Variants in CSMD1 observed in about 807,000 individuals in gnomAD.
CSMD1 encodes CUB and Sushi multiple domains 1, also known as CUB and sushi domain-containing protein 1.
CSMD1 carries 213 observed loss-of-function variants against 417.5 expected under a neutral mutation model. That is an observed-to-expected ratio of 0.51 (90% CI 0.46 to 0.57). CSMD1 has a LOEUF of 0.57. CSMD1 is among the 20% of genes least tolerant of loss of function. The pLI is 0.00. For synonymous variants in CSMD1, 2,862 were observed against 1,736.8 expected, an observed-to-expected ratio of 1.65 and a Z score of -16.11; for missense variants, 6,923 against 4,529.7, an observed-to-expected ratio of 1.53 and a Z score of -15.17.
intron 1 of CSMD1, among the ~76,000 whole-genome samples, chr8:4,747,980 G>C (rs1268042250): frequency 6.6e-6 from 1 of 152,094 alleles, no homozygotes; most frequent in South Asian, 2.1e-4. Flanking sequence ...ACCGTATATT[G>C]GCTCTGCTGA....
chr8:4,124,041 T>G (rs184789226), intron 3 of CSMD1, among the ~76,000 whole-genome samples: 1 of 151,960 alleles, frequency 6.6e-6, no homozygotes, highest in African/African-American at 2.4e-5. Context: ...TACATTGCAT[T>G]CCGGAACGAC....
intron 3 of CSMD1, among the ~76,000 whole-genome samples, chr8:4,157,810 C>T (rs1488549523): frequency 6.6e-6 from 1 of 152,144 alleles, no homozygotes; most frequent in Non-Finnish European, 1.5e-5. Flanking sequence ...GGCCTTGGTC[C>T]AGCTTTAGTC....
intron 9 of CSMD1, among the ~76,000 whole-genome samples, chr8:3,584,642 T>C (rs1231728249): frequency 6.6e-6 from 1 of 152,144 alleles, no homozygotes; most frequent in Non-Finnish European, 1.5e-5. Context: ...TAAAATCAAA[T>C]AATATAAAGG....
At chr8:3,221,541 C>A (rs1180793671) in intron 28 of CSMD1, among the ~76,000 whole-genome samples, 1 of 151,448 alleles carries the variant, frequency 6.6e-6, no homozygotes, top group Non-Finnish European at 1.5e-5. Context: ...AACAAACAAA[C>A]AAACAAACAA....
intron 7 of CSMD1, among the ~76,000 whole-genome samples, chr8:3,706,803 G>C (rs1801194307): frequency 6.6e-6 from 1 of 152,194 alleles, no homozygotes; most frequent in South Asian, 2.1e-4. Flanking sequence ...TCCCTCTACA[G>C]AACATTCTAT....
intron 7 of CSMD1, among the ~76,000 whole-genome samples, chr8:3,643,774 T>A (rs936073763): frequency 5.3e-5 from 8 of 151,382 alleles, no homozygotes; most frequent in Admixed American, 1.3e-4. Flanking sequence ...CTAGAGTCAT[T>A]GTTCACCCAC....
intron 1 of CSMD1, among the ~76,000 whole-genome samples, chr8:4,943,547 C>G (rs974185863): frequency 6.6e-6 from 1 of 151,584 alleles, no homozygotes. Flanking sequence ...ATAAAATCAT[C>G]ACCTCTCTGT....
chr8:3,484,365 A>C (rs940990213), intron 11 of CSMD1, among the ~76,000 whole-genome samples: 1 of 152,250 alleles, frequency 6.6e-6, no homozygotes, highest in Non-Finnish European at 1.5e-5. Flanking sequence ...GCTACTGAAC[A>C]GTTGGATACA....
intron 10 of CSMD1, among the ~76,000 whole-genome samples, chr8:3,546,996 G>A (rs565816981): frequency 5.9e-5 from 9 of 152,308 alleles, no homozygotes; most frequent in East Asian, 3.9e-4. Flanking sequence ...ACTGAACAGC[G>A]TCTCCCCTCC....
intron 11 of CSMD1, among the ~76,000 whole-genome samples, chr8:3,470,855 G>C (rs1291520445): frequency 6.6e-6 from 1 of 152,106 alleles, no homozygotes; most frequent in Non-Finnish European, 1.5e-5. Flanking sequence ...CCAATAGTTT[G>C]TTCCCTTTTA....
At chr8:4,339,335 C>A (rs961190899) in intron 3 of CSMD1, among the ~76,000 whole-genome samples, 4 of 152,090 alleles carry the variant, frequency 2.6e-5, no homozygotes, top group Admixed American at 6.6e-5. Flanking sequence ...ACAAGCTATG[C>A]TGGCAGATTC....
intron 1 of CSMD1, among the ~76,000 whole-genome samples, chr8:4,834,587 G>A (rs1163641943): frequency 1.3e-5 from 2 of 151,892 alleles, no homozygotes; most frequent in African/African-American, 2.4e-5. Flanking sequence ...AGTTCAAAAA[G>A]AATGAGAACA....
chr8:4,746,546 G>A (rs1250705184), intron 1 of CSMD1, among the ~76,000 whole-genome samples: 2 of 152,228 alleles, frequency 1.3e-5, no homozygotes, highest in East Asian at 1.9e-4. Flanking sequence ...CAGTGAAGAC[G>A]AAGGGCTTGC....
At chr8:3,873,292 T>A (rs937743636) in intron 5 of CSMD1, among the ~76,000 whole-genome samples, 1 of 151,940 alleles carries the variant, frequency 6.6e-6, no homozygotes, top group Non-Finnish European at 1.5e-5. Context: ...AGCAAAGACA[T>A]GGAATCAACC....
intron 1 of CSMD1, among the ~76,000 whole-genome samples, chr8:4,897,096 G>A (rs1206149625): frequency 6.6e-6 from 1 of 151,924 alleles, no homozygotes; most frequent in Non-Finnish European, 1.5e-5. Context: ...ACAATTTCAG[G>A]CTTGACTTTG....
At chr8:3,821,329 T>A (rs1217743444) in intron 5 of CSMD1, among the ~76,000 whole-genome samples, 2 of 152,230 alleles carry the variant, frequency 1.3e-5, no homozygotes, top group African/African-American at 4.8e-5. Flanking sequence ...TATTATGCAC[T>A]GTACATAAGT....
chr8:4,232,071 G>C (rs1563310830), intron 3 of CSMD1, among the ~76,000 whole-genome samples: 1 of 152,232 alleles, frequency 6.6e-6, no homozygotes, highest in Non-Finnish European at 1.5e-5. Flanking sequence ...GAGCGAAGTA[G>C]TAATTATTGT....
rs191808412 is a variant in CSMD1 at position 4,230,958 on chromosome 8, T to C, written c.415+188995A>G. Among the ~76,000 whole-genome samples the C allele has an allele frequency of 1.5e-3, 225 of 152,274 alleles. 4 individuals are homozygous for C. Among genetic ancestry groups the C allele is most frequent in the African/African-American group, 5.0e-3 (206 of 41,562 alleles). Reference sequence around the variant, plus strand: ...TTTTTCTACTTGGAAAACATGTGCTTAGATTATTTCATTTGCAACATCAGT... The same window carrying C: ...TTTTTCTACTTGGAAAACATGTGCTCAGATTATTTCATTTGCAACATCAGT... On this transcript the variant is annotated intron_variant, in intron 3 of 69. Coordinates refer to ENST00000635120, the MANE Select transcript of CSMD1 (RefSeq NM_033225.6).
rs936868535 is a variant in CSMD1 at position 3,950,893 on chromosome 8, C to T, written c.818+47010G>A. 5.3e-5 allele frequency among the ~76,000 whole-genome samples: 8 copies of T among 152,020 alleles called. 1 individual carries two copies. In the South Asian group the frequency reaches 1.5e-3, roughly 28 times the overall value. ...CATTTTATTTCTCTTTCAAAGAATACTTAATAAAAAATAAGGAAAACCAAT... is the reference window on the plus strand; with the variant it reads ...CATTTTATTTCTCTTTCAAAGAATATTTAATAAAAAATAAGGAAAACCAAT... On this transcript the variant is annotated intron_variant, in intron 5 of 69. Transcript: ENST00000635120.
Sources: allele counts gnomAD v4.1 joint callset (sites outside exome capture counted in the v4.1 genomes callset), GRCh38; gene constraint gnomAD v4.1.1; transcripts MANE v1.5; gene names NCBI Gene and HGNC (gene_info 2026-07-23, HGNC 2026-07-21).